Variants in XPR1 observed in about 807,000 individuals in gnomAD.
XPR1 encodes the protein xenotropic and polytropic retrovirus receptor 1.
XPR1 carries 28 observed loss-of-function variants against 87.5 expected under a neutral mutation model. The ratio of observed to expected loss-of-function variants is 0.32; its 90% CI spans 0.24 to 0.44. The LOEUF (loss-of-function observed/expected upper bound fraction) is 0.44. XPR1 is among the 20% of genes least tolerant of loss of function. The probability of loss-of-function intolerance (pLI) is 1.00; values close to 1 mark genes in which losing one functional copy is unlikely to be tolerated. For synonymous variants in XPR1, 300 were observed against 306.1 expected (o/e 0.98, Z 0.21); for missense variants, 559 against 862.3 (o/e 0.65, Z 4.41).
chr1:180,682,643 G>T (rs1252555943), intron 2 of XPR1, among the ~76,000 whole-genome samples: 1 of 151,714 alleles, frequency 6.6e-6, no homozygotes, highest in Non-Finnish European at 1.5e-5. Flanking sequence ...GTCACCTTAG[G>T]ACTGTGAATC....
chr1:180,837,980 T>C (rs370423595), intron 11 of XPR1, among the ~76,000 whole-genome samples: 11 of 152,310 alleles, frequency 7.2e-5, no homozygotes, highest in African/African-American at 2.6e-4. Flanking sequence ...ATAATATACC[T>C]TTAACTGCAG....
At chr1:180,695,300 T>G (rs970692198) in intron 2 of XPR1, among the ~76,000 whole-genome samples, 3 of 152,194 alleles carry the variant, frequency 2.0e-5, no homozygotes, top group Non-Finnish European at 4.4e-5. Flanking sequence ...TATTTGCTTT[T>G]CAGATGAATA....
chr1:180,814,473 A>G (rs534518097), intron 7 of XPR1, among the ~76,000 whole-genome samples: 1 of 152,304 alleles, frequency 6.6e-6, no homozygotes, highest in Admixed American at 6.5e-5. Context: ...TTTCAGCTCC[A>G]CTGTTAGTTG....
At chr1:180,659,444 C>T (rs1486194585) in intron 1 of XPR1, among the ~76,000 whole-genome samples, 3 of 114,422 alleles carry the variant, frequency 2.6e-5, no homozygotes, top group Admixed American at 9.2e-5. Context: ...TCCTTCTTCC[C>T]TCCTTCTTCC....
chr1:180,651,370 G>A (rs909288951), intron 1 of XPR1, among the ~76,000 whole-genome samples: 1 of 152,186 alleles, frequency 6.6e-6, no homozygotes, highest in African/African-American at 2.4e-5. Context: ...GGGATTACAG[G>A]TGTGAGCCAC....
chr1:180,688,049 A>ATTTT (rs61214643), intron 2 of XPR1, among the ~76,000 whole-genome samples: 4 of 130,558 alleles, frequency 3.1e-5, no homozygotes, highest in Non-Finnish European at 4.9e-5. Context: ...TATGTTATTA[A>ATTTT]TTTTTTTTTT....
intron 1 of XPR1, among the ~76,000 whole-genome samples, chr1:180,673,173 C>G (rs958472494): frequency 4.6e-5 from 7 of 151,898 alleles, no homozygotes; most frequent in African/African-American, 1.7e-4. Flanking sequence ...CCATTTGTGC[C>G]TTGGAAAGGA....
intron 1 of XPR1, among the ~76,000 whole-genome samples, chr1:180,661,499 G>C (rs1655776825): frequency 6.6e-6 from 1 of 151,468 alleles, no homozygotes; most frequent in Non-Finnish European, 1.5e-5. Flanking sequence ...GTGTGTGTGT[G>C]TGTGTGTGTG....
intron 3 of XPR1, among the ~76,000 whole-genome samples, chr1:180,797,352 TGA>T (rs1275207229): frequency 2.0e-5 from 3 of 152,176 alleles, no homozygotes; most frequent in Admixed American, 2.0e-4. Flanking sequence ...CATTTGTGAC[TGA>T]GAGAGTTGTT....
chr1:180,806,286 TG>T (rs1218910912), intron 5 of XPR1, 75 bp downstream of exon 5: 1 of 1,570,580 alleles, frequency 6.4e-7, no homozygotes, highest in South Asian at 1.2e-5. Flanking sequence ...TCCTTATTTC[TG>T]TTATTTTGTA....
intron 11 of XPR1, among the ~76,000 whole-genome samples, chr1:180,845,502 A>C (rs2102182187): frequency 6.6e-6 from 1 of 152,304 alleles, no homozygotes; most frequent in Non-Finnish European, 1.5e-5. Flanking sequence ...TAGTAGATGA[A>C]GAATAATGAC....
At chr1:180,696,596 C>T (rs777558915) in intron 2 of XPR1, among the ~76,000 whole-genome samples, 2 of 151,954 alleles carry the variant, frequency 1.3e-5, no homozygotes, top group East Asian at 3.9e-4. Flanking sequence ...TTTCACCTTT[C>T]CCCTTCAGTA....
At chr1:180,866,786 CATATT>C (rs1032423411) in intron 12 of XPR1, among the ~76,000 whole-genome samples, 2 of 148,430 alleles carry the variant, frequency 1.3e-5, no homozygotes, top group African/African-American at 5.0e-5. Flanking sequence ...ACACTATACA[CATATT>C]AGTTTATTTT....
rs192312920 is a variant in XPR1, at chr1:180,782,763, G to T, written c.122-4990G>T. On this transcript the variant is annotated intron_variant, in intron 2 of 14. Coordinates refer to ENST00000367590, the MANE Select transcript of XPR1 (RefSeq NM_004736.4). ...ACACAGTTCACTTCATAATACCCATGTAGCACGTAGTAGTCACTTTTATAC... is the reference window on the plus strand; with the variant it reads ...ACACAGTTCACTTCATAATACCCATTTAGCACGTAGTAGTCACTTTTATAC... 3.0e-4 allele frequency among the ~76,000 whole-genome samples: 45 copies of T among 152,074 alleles called. 1 individual carries two copies. The highest frequency in any genetic ancestry group is 2.8e-3 in the Admixed American group (43 of 15,236).
chr1:180,698,275 G>A (rs1277144337), intron 2 of XPR1, among the ~76,000 whole-genome samples: 1 of 151,990 alleles, frequency 6.6e-6, no homozygotes, highest in Non-Finnish European at 1.5e-5. Flanking sequence ...CCATTTGCGG[G>A]AGATATTTTT....
rs1653007348 is a variant in XPR1 at position 180,886,275 on chromosome 1, T to G, written c.*2209T>G. 1 of 152,230 alleles carries G rather than the reference T, an allele frequency of 6.6e-6. No individual in the cohort carries two copies. Among genetic ancestry groups the G allele is most frequent in the Non-Finnish European group, 1.5e-5 (1 of 68,032 alleles). 9.4% of individuals were successfully genotyped at this position (152,230 alleles called of 1,614,324 possible). On this transcript the variant is annotated 3_prime_UTR_variant, in exon 15 of 15. Coordinates refer to ENST00000367590, the MANE Select transcript of XPR1 (RefSeq NM_004736.4). The stretch of plus-strand genomic sequence containing the variant: ...GTCAAGAAACAGCAGTAATTATTAC[T>G]GAGTTAAATTGAAAAGTCCAGTGGA...
At chr1:180,760,802 C>T (rs533866669) in intron 2 of XPR1, among the ~76,000 whole-genome samples, 129 of 152,206 alleles carry the variant, frequency 8.5e-4, no homozygotes, top group East Asian at 4.6e-3. Flanking sequence ...GAGCCCGCAT[C>T]GCCAAGTCAA....
At chr1:180,838,109 T>C (rs1407278636) in intron 11 of XPR1, among the ~76,000 whole-genome samples, 1 of 152,216 alleles carries the variant, frequency 6.6e-6, no homozygotes, top group East Asian at 1.9e-4. Flanking sequence ...GAAGCCGTAC[T>C]GATAAAGTAA....
intron 11 of XPR1, among the ~76,000 whole-genome samples, chr1:180,839,451 G>A (rs919350496): frequency 1.3e-5 from 2 of 152,106 alleles, no homozygotes; most frequent in African/African-American, 4.8e-5. Flanking sequence ...ATTTACCAGT[G>A]CAATATTTTA....
Sources: allele counts gnomAD v4.1 joint callset (sites outside exome capture counted in the v4.1 genomes callset), GRCh38; gene constraint gnomAD v4.1.1; transcripts MANE v1.5; gene names NCBI Gene and HGNC (gene_info 2026-07-23, HGNC 2026-07-21).